GPBP1L1: variants seen among roughly 807,000 people sequenced by gnomAD.
The protein encoded by GPBP1L1 is GC-rich promoter binding protein 1 like 1, also known as vasculin-like protein 1.
In GPBP1L1, 23 loss-of-function variants were observed where a neutral mutation model predicts 52.5. The observed-to-expected ratio is 0.44, with a 90% CI of 0.32 to 0.62. GPBP1L1 has a LOEUF of 0.62. Ranked by LOEUF, GPBP1L1 falls within the 20% of genes least tolerant of loss-of-function variation. The pLI is 0.06. For missense variants in GPBP1L1, 596 were observed against 579.3 expected (o/e 1.03, Z -0.30); for synonymous variants, 243 against 203.1 (o/e 1.20, Z -1.67).
At chr1:45,633,683 CA>C (rs1220718861) in intron 9 of GPBP1L1, 36 bp from the exon 10 acceptor site, 1 of 1,605,368 alleles carries the variant, frequency 6.2e-7, no homozygotes, top group Non-Finnish European at 8.5e-7. Flanking sequence ...CTCCTGACAG[CA>C]AAGAGCAAGA....
In GPBP1L1 at chr1:45,630,471, T is replaced by C. The variant is rs1045223204; in HGVS notation, c.1169+11A>G. On this transcript the variant is annotated intron_variant, in intron 11 of 12. Coordinates refer to ENST00000355105, the MANE Select transcript of GPBP1L1 (RefSeq NM_021639.5). Reference sequence around the variant, plus strand: ...AGACACTGCATGCCCTGTGATGTCCTCCTCACTTACCTGTGCTCTGCTTCT... The same window carrying C: ...AGACACTGCATGCCCTGTGATGTCCCCCTCACTTACCTGTGCTCTGCTTCT... 3.1e-6 allele frequency: 5 copies of C among 1,613,522 alleles called. No homozygotes were observed. The African/African-American group carries it at 6.7e-5, about 22-fold the overall frequency.
chr1:45,648,543 G>A lies in GPBP1L1; in HGVS notation c.477+6000C>T, dbSNP rs1191583371. Among the ~76,000 whole-genome samples the A allele has an allele frequency of 2.0e-5, 3 of 152,166 alleles. No homozygotes were observed. In the East Asian group the frequency reaches 5.8e-4, roughly 29 times the overall value. The stretch of plus-strand genomic sequence containing the variant: ...CATTCTTTATGCTGTCAGGTGCTCT[G>A]CTGCTTCCCTTCAGTTCCCCCTGCA... On this transcript the variant is annotated intron_variant, in intron 6 of 12. Coordinates refer to ENST00000355105, the MANE Select transcript of GPBP1L1 (RefSeq NM_021639.5).
chr1:45,667,801 A>C (rs1194494347), intron 2 of GPBP1L1, among the ~76,000 whole-genome samples: 1 of 152,192 alleles, frequency 6.6e-6, no homozygotes, highest in Non-Finnish European at 1.5e-5. Flanking sequence ...AGGCTGGAGT[A>C]CAATGGCTCA....
chr1:45,660,037 G>T, intron 3 of GPBP1L1, 147 bp downstream of exon 3: 1 of 228,870 alleles, frequency 4.4e-6, no homozygotes, highest in Non-Finnish European at 7.2e-6. Context: ...ATACCAACTA[G>T]CATCAGTTTT....
At chr1:45,652,926 T>C (rs1644836502) in intron 6 of GPBP1L1, among the ~76,000 whole-genome samples, 1 of 152,226 alleles carries the variant, frequency 6.6e-6, no homozygotes, top group Non-Finnish European at 1.5e-5. Context: ...TGGATTTGCT[T>C]GTAATACAAG....
intron 5 of GPBP1L1, 94 bp from the exon 6 acceptor site, chr1:45,654,923 A>G (rs1644866210): frequency 1.6e-6 from 2 of 1,252,916 alleles, no homozygotes; most frequent in Non-Finnish European, 2.2e-6. Context: ...TCGTTAATAA[A>G]AAGTCCACAC....
chr1:45,630,670 T>A, intron 10 of GPBP1L1, 64 bp from the exon 11 acceptor site: 1 of 1,570,222 alleles, frequency 6.4e-7, no homozygotes, highest in Non-Finnish European at 8.7e-7. Flanking sequence ...ATAAGCAACC[T>A]ATGAAATCAA....
intron 10 of GPBP1L1, among the ~76,000 whole-genome samples, chr1:45,632,638 C>T (rs1182325655): frequency 6.6e-6 from 1 of 152,154 alleles, no homozygotes; most frequent in African/African-American, 2.4e-5. Flanking sequence ...ATCGCTTGAA[C>T]CCGGGAAGCG....
intron 3 of GPBP1L1, among the ~76,000 whole-genome samples, chr1:45,659,541 T>C (rs1644922999): frequency 6.6e-6 from 1 of 152,142 alleles, no homozygotes; most frequent in African/African-American, 2.4e-5. Flanking sequence ...TTCTTGATTG[T>C]TACATCAAAG....
intron 4 of GPBP1L1, among the ~76,000 whole-genome samples, chr1:45,658,470 G>T (rs1468035441): frequency 6.6e-6 from 1 of 151,984 alleles, no homozygotes. Context: ...AAAAAAGTGA[G>T]ATACTTAAAA....
At position 45,654,714 on chromosome 1, in the gene GPBP1L1, A is replaced by AC; in HGVS notation, c.305dup (p.His103SerfsTer2). On this transcript the variant is annotated frameshift_variant, in exon 6 of 13. Coordinates refer to ENST00000355105, the MANE Select transcript of GPBP1L1 (RefSeq NM_021639.5). LOFTEE classifies it high-confidence loss of function. Reference sequence around the variant, plus strand: ...CACTACGTTGGCTCATGCCATCATGACCTCGGGAAGAGCTATGCCAACCAG... The same window carrying AC: ...CACTACGTTGGCTCATGCCATCATGACCCTCGGGAAGAGCTATGCCAACCAG... 6.2e-7 allele frequency: 1 copy of AC among 1,614,148 alleles called. No individual in the cohort carries two copies. Among genetic ancestry groups the AC allele is most frequent in the Non-Finnish European group, 8.5e-7 (1 of 1,180,020 alleles).
At chr1:45,662,412 T>C (rs1417045878) in intron 2 of GPBP1L1, among the ~76,000 whole-genome samples, 2 of 152,330 alleles carry the variant, frequency 1.3e-5, no homozygotes, top group East Asian at 3.9e-4. Context: ...CTCAAAGTGC[T>C]GAGATTACAG....
In GPBP1L1 at chr1:45,684,258, CAAAAA is replaced by C. The variant is rs60624036; in HGVS notation, c.-1098+1313_-1098+1317del. 3.1e-3 allele frequency among the ~76,000 whole-genome samples: 270 copies of C among 88,458 alleles called. 1 individual carries two copies. Among genetic ancestry groups the C allele is most frequent in the Middle Eastern group, 0.013 (2 of 160 alleles). The allele number at this position is 88,458 out of a possible 152,430, so 58.0% of individuals were successfully genotyped here. On this transcript the variant is annotated intron_variant, in intron 2 of 12. Transcript: ENST00000355105. ...GGGCAACAAGAGCGAAACTCCGTCT[CAAAAA>C]AAAAAAAAAAAAAAGAAAAAGAAAA...
intron 2 of GPBP1L1, among the ~76,000 whole-genome samples, chr1:45,662,409 T>C (rs1354414043): frequency 6.6e-6 from 1 of 152,208 alleles, no homozygotes; most frequent in East Asian, 1.9e-4. Flanking sequence ...CCTCTCAAAG[T>C]GCTGAGATTA....
At chr1:45,652,723 T>C (rs1402968894) in intron 6 of GPBP1L1, among the ~76,000 whole-genome samples, 1 of 151,140 alleles carries the variant, frequency 6.6e-6, no homozygotes, top group East Asian at 2.0e-4. Context: ...TTGCTGCATT[T>C]TTTTTTTTTT....
At chr1:45,665,476 C>T (rs558357251) in intron 2 of GPBP1L1, among the ~76,000 whole-genome samples, 29 of 152,160 alleles carry the variant, frequency 1.9e-4, no homozygotes, top group Non-Finnish European at 2.8e-4. Flanking sequence ...GTTGGCCAAG[C>T]GCGGTGGCTC....
intron 2 of GPBP1L1, among the ~76,000 whole-genome samples, chr1:45,685,367 AT>A (rs1226433424): frequency 1.3e-5 from 2 of 152,218 alleles, no homozygotes; most frequent in Non-Finnish European, 2.9e-5. Flanking sequence ...AACCACTATT[AT>A]TAACTGTATT....
chr1:45,664,228 G>T (rs2148489791), intron 2 of GPBP1L1, among the ~76,000 whole-genome samples: 1 of 152,272 alleles, frequency 6.6e-6, no homozygotes, highest in East Asian at 1.9e-4. Context: ...GCTGAGTCAG[G>T]AGAATGGCGG....
intron 6 of GPBP1L1, among the ~76,000 whole-genome samples, chr1:45,643,795 G>A (rs1644705647): frequency 6.7e-6 from 1 of 148,690 alleles, no homozygotes. Flanking sequence ...TCAGCTTCCT[G>A]AGTAACTGGG....
Sources: allele counts gnomAD v4.1 joint callset (sites outside exome capture counted in the v4.1 genomes callset), GRCh38; gene constraint gnomAD v4.1.1; transcripts MANE v1.5; gene names NCBI Gene and HGNC (gene_info 2026-07-23, HGNC 2026-07-21).